ACSS3: variants seen among roughly 807,000 people sequenced by gnomAD.
ACSS3 encodes the protein acyl-CoA synthetase short chain family member 3, also known as acyl-CoA synthetase short-chain family member 3, mitochondrial.
In ACSS3, 64 loss-of-function variants were observed where a neutral mutation model predicts 84.2. That is an observed-to-expected ratio of 0.76 (90% CI 0.62 to 0.94). The LOEUF is 0.94. ACSS3 is among the 40% of genes least tolerant of loss of function. The probability of loss-of-function intolerance (pLI) is 0.00; values close to 1 mark genes in which losing one functional copy is unlikely to be tolerated. For missense variants in ACSS3, 815 were observed against 867.6 expected (o/e 0.94, Z 0.76); for synonymous variants, 317 against 310.1 (o/e 1.02, Z -0.23).
chr12:81,089,205 A>G (rs2121316781), intron 1 of ACSS3, among the ~76,000 whole-genome samples: 1 of 152,086 alleles, frequency 6.6e-6, no homozygotes, highest in South Asian at 2.1e-4. Context: ...CCAACCTCTC[A>G]ATAAAAAAAT....
intron 1 of ACSS3, among the ~76,000 whole-genome samples, chr12:81,085,633 T>C (rs567844605): frequency 2.6e-5 from 4 of 152,338 alleles, no homozygotes; most frequent in African/African-American, 9.6e-5. Flanking sequence ...GAAGGCAGGT[T>C]GCCAAATCTT....
rs2035275253 is a variant in ACSS3, at chr12:81,260,946, T to A, written c.*6024T>A. ...CATTTATAAATCTAAGAAACCACAG[T>A]TTTACTATTAAGACTGTTTTTCAAT... On this transcript the variant is annotated 3_prime_UTR_variant, in exon 16 of 16. Transcript: ENST00000548058. The A allele has an allele frequency of 6.6e-6, 1 of 152,216 alleles. No homozygotes were observed. The highest frequency in any genetic ancestry group is 2.4e-5 in the African/African-American group (1 of 41,456). 9.4% of individuals were successfully genotyped at this position (152,216 alleles called of 1,614,324 possible).
At chr12:81,124,708 T>C (rs892550844) in intron 2 of ACSS3, among the ~76,000 whole-genome samples, 1 of 152,190 alleles carries the variant, frequency 6.6e-6, no homozygotes, top group Non-Finnish European at 1.5e-5. Flanking sequence ...ACAGGGTACA[T>C]TGATTCAAAC....
At chr12:81,231,017 C>A in intron 11 of ACSS3, 40 bp from the exon 12 acceptor site, 1 of 1,449,296 alleles carries the variant, frequency 6.9e-7, no homozygotes, top group Non-Finnish European at 9.6e-7. Context: ...TCTTTATTAC[C>A]ACTTTCATCA....
chr12:81,149,669 T>G (rs1161804291), intron 5 of ACSS3, among the ~76,000 whole-genome samples: 1 of 152,118 alleles, frequency 6.6e-6, no homozygotes, highest in Non-Finnish European at 1.5e-5. Context: ...TAAAAGTAAG[T>G]GGGTATCAAA....
At chr12:81,219,400 T>G (rs796682975) in intron 10 of ACSS3, among the ~76,000 whole-genome samples, 1 of 152,110 alleles carries the variant, frequency 6.6e-6, no homozygotes, top group Non-Finnish European at 1.5e-5. Context: ...AAATAATCTA[T>G]TAAAGCCTAA....
chr12:81,131,417 G>T (rs930477624), intron 2 of ACSS3, among the ~76,000 whole-genome samples: 7 of 152,084 alleles, frequency 4.6e-5, no homozygotes, highest in Non-Finnish European at 1.0e-4. Flanking sequence ...CTCATGATTT[G>T]GCTCTCTGTT....
intron 2 of ACSS3, chr12:81,125,818 C>T (rs148036556): frequency 1.3e-5 from 2 of 152,228 alleles, no homozygotes; most frequent in East Asian, 3.9e-4. Flanking sequence ...TAAACGTGTC[C>T]AATGTGAATG....
Position 81,113,849 on chromosome 12 carries a change from G to T in ACSS3, c.456+4145G>T, listed in dbSNP as rs1035609977. On this transcript the variant is annotated intron_variant, in intron 2 of 15. Transcript: ENST00000548058. ...CCCACACTTATAACTCAGAAGATCT[G>T]CATTCTAGAGGACATGTATGTTTTT... 2.0e-5 allele frequency among the ~76,000 whole-genome samples: 3 copies of T among 152,130 alleles called. No individual in the cohort carries two copies. In the South Asian group the frequency reaches 6.2e-4, roughly 32 times the overall value.
chr12:81,120,135 A>T (rs1884452374), intron 2 of ACSS3, among the ~76,000 whole-genome samples: 1 of 152,202 alleles, frequency 6.6e-6, no homozygotes, highest in South Asian at 2.1e-4. Context: ...TCTGCAGAAG[A>T]TTTATCCAAG....
In ACSS3 at chr12:81,151,733, G is replaced by A; in HGVS notation, c.922-111G>A. 4 of 827,602 alleles carry A rather than the reference G, an allele frequency of 4.8e-6. No homozygotes were observed. The South Asian group carries it at 8.3e-5, about 17-fold the overall frequency. The allele number at this position is 827,602 out of a possible 1,614,324, so 51.3% of individuals were successfully genotyped here. A position where few individuals can be genotyped will look rare whatever the true frequency, so the allele number is the denominator to read the frequency against. ...TTTATAAAAGCCAAAGTAACTTGTA[G>A]CTAATATATAAAATACTTTTGACCA... On this transcript the variant is annotated intron_variant, in intron 5 of 15. Coordinates refer to ENST00000548058, the MANE Select transcript of ACSS3 (RefSeq NM_024560.4).
chr12:81,184,628 G>A (rs184345201), intron 8 of ACSS3, among the ~76,000 whole-genome samples: 2 of 151,702 alleles, frequency 1.3e-5, no homozygotes, highest in African/African-American at 4.8e-5. Context: ...GATCGTAAGG[G>A]AATATTACGA....
At chr12:81,254,472 T>C (rs1318144206) in intron 15 of ACSS3, among the ~76,000 whole-genome samples, 3 of 152,178 alleles carry the variant, frequency 2.0e-5, no homozygotes, top group African/African-American at 7.2e-5. Flanking sequence ...AATTTGTGTG[T>C]ACATTATGTG....
intron 7 of ACSS3, among the ~76,000 whole-genome samples, chr12:81,160,009 C>G (rs1249808124): frequency 6.6e-6 from 1 of 152,190 alleles, no homozygotes; most frequent in Non-Finnish European, 1.5e-5. Context: ...TTTCATGATA[C>G]AGTAAGCCCA....
At chr12:81,150,824 A>G (rs570320965) in intron 5 of ACSS3, among the ~76,000 whole-genome samples, 4 of 152,332 alleles carry the variant, frequency 2.6e-5, no homozygotes, top group African/African-American at 9.6e-5. Flanking sequence ...GCTATGCTAA[A>G]AAGCATAACT....
chr12:81,259,350 G>A lies in ACSS3; in HGVS notation c.*4428G>A, dbSNP rs1314974444. On this transcript the variant is annotated 3_prime_UTR_variant, in exon 16 of 16. Transcript: ENST00000548058. ...CTTACACATTTAAAAAGAAATGCAC[G>A]GTAATACATAAATGCCTAGTATATT... The A allele has an allele frequency of 1.3e-5, 7 of 528,620 alleles. No individual in the cohort carries two copies. The highest frequency in any genetic ancestry group is 5.8e-5 in the African/African-American group (3 of 51,408). The allele number at this position is 528,620 out of a possible 1,614,324, so 32.7% of individuals were successfully genotyped here.
intron 9 of ACSS3, chr12:81,199,927 C>G: frequency 3.8e-6 from 1 of 265,218 alleles, no homozygotes; most frequent in South Asian, 3.9e-5. Flanking sequence ...ATAGGACTCT[C>G]TGGCCACCTT....
intron 2 of ACSS3, among the ~76,000 whole-genome samples, chr12:81,120,954 A>T (rs933237973): frequency 6.6e-6 from 1 of 152,154 alleles, no homozygotes; most frequent in Non-Finnish European, 1.5e-5. Flanking sequence ...ACATACCATG[A>T]TCTATGTTTG....
Position 81,174,778 on chromosome 12 carries a change from C to G in ACSS3, c.1099-10C>G, listed in dbSNP as rs765226724. ...TTATCCAGTGACATTTTAAATGAAT[C>G]TCATTGTAGGGGAAGCCTGTGGGAA... is the stretch of plus-strand genomic sequence containing the variant. On this transcript the variant is annotated splice_polypyrimidine_tract_variant and intron_variant, in intron 7 of 15. Transcript: ENST00000548058. The G allele has an allele frequency of 4.4e-6, 7 of 1,607,572 alleles. No individual in the cohort carries two copies. Among genetic ancestry groups the G allele is most frequent in the Non-Finnish European group, 5.1e-6 (6 of 1,175,818 alleles).
Sources: gnomAD v4.1 joint callset for allele counts (sites outside exome capture counted in the v4.1 genomes callset) on GRCh38, gnomAD v4.1.1 for gene constraint, MANE v1.5 for transcripts, NCBI Gene and HGNC (gene_info 2026-07-23, HGNC 2026-07-21) for gene names.